Variants in ITGA3 observed in about 807,000 individuals in gnomAD.
ITGA3 encodes the protein integrin subunit alpha 3.
In ITGA3, 70 loss-of-function variants were observed where a neutral mutation model predicts 131.1. The ratio of observed to expected loss-of-function variants is 0.53; its 90% CI spans 0.44 to 0.65. The LOEUF (loss-of-function observed/expected upper bound fraction) is 0.65, where lower values mean the gene tolerates loss of function less well. ITGA3 is among the 30% of genes least tolerant of loss of function. The pLI is 0.00. For missense variants in ITGA3, 1,098 were observed against 1,388.6 expected, an observed-to-expected ratio of 0.79 and a Z score of 3.33; for synonymous variants, 537 against 571.6, an observed-to-expected ratio of 0.94 and a Z score of 0.86.
Position 50,072,041 on chromosome 17 carries a change from G to C in ITGA3, c.1015G>C (p.Gly339Arg). ...CTACTTCGAGAGGAAAGAGGAAGTA[G>C]GGGGTGCCATCTATGTCTTCATGAA... The part of the protein sequence containing the change: ...PYYFERKEEV[G>R]GAIYVFMNQA... Residue 339 changes from glycine (G) to arginine (R), a missense_variant, in exon 7 of 26, where the codon GGG becomes CGG. By Grantham distance (125) the Gly-to-Arg change is moderately radical. This residue lies in a region of ITGA3 where 356 missense variants were observed against 529.2 expected (regional missense o/e 0.67). Coordinates refer to ENST00000320031, the MANE Select transcript of ITGA3 (RefSeq NM_002204.4). 6.2e-7 allele frequency: 1 copy of C among 1,614,070 alleles called. No individual in the cohort carries two copies. Among genetic ancestry groups the C allele is most frequent in the Non-Finnish European group, 8.5e-7 (1 of 1,179,986 alleles).
intron 12 of ITGA3, among the ~76,000 whole-genome samples, 164 bp downstream of exon 12, chr17:50,075,899 C>G (rs530503836): frequency 9.1e-4 from 138 of 152,262 alleles, no homozygotes; most frequent in African/African-American, 2.9e-3. Context: ...GTACAGCACC[C>G]ACACATGAGG....
In ITGA3 at chr17:50,068,224, G is replaced by A. The variant is rs759529676; in HGVS notation, c.583G>A (p.Gly195Ser). ...TAGCAACACAGACTACCTGGAGACG[G>A]GCATGTGCCAGCTGGGCACCAGCGG... ...CNSNTDYLET[G>S]MCQLGTSGGF... The change falls in exon 4 of 26, where the codon GGC becomes AGC. Residue 195 changes from glycine (G) to serine (S), a missense_variant. By Grantham distance (56) the Gly-to-Ser change is moderately conservative (BLOSUM62 0). Transcript: ENST00000320031. The A allele has an allele frequency of 1.1e-5, 17 of 1,614,100 alleles. No homozygotes were observed. Among genetic ancestry groups the A allele is most frequent in the Non-Finnish European group, 1.1e-5 (13 of 1,180,040 alleles).
chr17:50,077,902 G>T, intron 16 of ITGA3, 144 bp from the exon 17 acceptor site: 1 of 635,042 alleles, frequency 1.6e-6, no homozygotes, highest in South Asian at 1.9e-5. Context: ...GTGGGGTGGG[G>T]AGGTAGAGAC....
At chr17:50,087,719 C>T in intron 23 of ITGA3, 25 bp from the exon 24 acceptor site, 2 of 1,604,450 alleles carry the variant, frequency 1.2e-6, no homozygotes, top group East Asian at 2.2e-5. Flanking sequence ...TGACACAGGG[C>T]TGAGTCCTCC....
intron 23 of ITGA3, 53 bp downstream of exon 23, chr17:50,081,461 C>A: frequency 7.6e-7 from 1 of 1,312,252 alleles, no homozygotes; most frequent in Non-Finnish European, 1.1e-6. Context: ...CTTGAGAGTA[C>A]AGGGCATCTT....
chr17:50,072,280 G>A (rs906188131), intron 7 of ITGA3, 98 bp downstream of exon 7: 6 of 1,124,818 alleles, frequency 5.3e-6, no homozygotes, highest in African/African-American at 1.5e-5. Context: ...GGCTTGACAG[G>A]GCCCACAGAT....
rs185447435 is a variant in ITGA3, at chr17:50,083,369, A to C, written c.2919+1961A>C. Reference sequence around the variant, plus strand: ...GTTATAAACCCAGAAGTCACAGGAAAATTTTGATAAATTAGACTCTATGAA... The same window carrying C: ...GTTATAAACCCAGAAGTCACAGGAACATTTTGATAAATTAGACTCTATGAA... On this transcript the variant is annotated intron_variant, in intron 23 of 25. Transcript: ENST00000320031. Among the ~76,000 whole-genome samples, 378 of 152,302 alleles carry C rather than the reference A, an allele frequency of 2.5e-3. 6 individuals carry two copies. Among genetic ancestry groups the C allele is most frequent in the African/African-American group, 8.9e-3 (370 of 41,552 alleles).
At chr17:50,088,528 G>A (rs377428643) in intron 25 of ITGA3, among the ~76,000 whole-genome samples, 162 bp downstream of exon 25, 2 of 149,190 alleles carry the variant, frequency 1.3e-5, no homozygotes, top group South Asian at 4.1e-4. Context: ...CAGCCCCCTG[G>A]GTGTCTGGCT....
chr17:50,059,859 G>C (rs927625153), intron 1 of ITGA3, among the ~76,000 whole-genome samples: 10 of 152,210 alleles, frequency 6.6e-5, no homozygotes, highest in Non-Finnish European at 1.3e-4. Flanking sequence ...AAATGGCCTT[G>C]TTCTTTTTTT....
Position 50,064,444 on chromosome 17 carries a change from G to T in ITGA3, c.335-84G>T. On this transcript the variant is annotated intron_variant, in intron 2 of 25. Coordinates refer to ENST00000320031, the MANE Select transcript of ITGA3 (RefSeq NM_002204.4). The surrounding 1 kb of genome is among the most constrained non-coding windows in gnomAD (Gnocchi z 4.4). ...TGCCCTGTGGGTGGAGGGCCCAAGC[G>T]GGACCCACTCCTGCCCTCTGGAGAC... The T allele has an allele frequency of 7.3e-7, 1 of 1,364,742 alleles. No individual in the cohort carries two copies. The highest frequency in any genetic ancestry group is 1.0e-6 in the Non-Finnish European group (1 of 990,798). 84.5% of individuals were successfully genotyped at this position (1,364,742 alleles called of 1,614,324 possible).
intron 1 of ITGA3, among the ~76,000 whole-genome samples, chr17:50,057,453 GT>G (rs1051106217): frequency 6.6e-6 from 1 of 152,250 alleles, no homozygotes; most frequent in Admixed American, 6.5e-5. Flanking sequence ...GCTATGCACA[GT>G]GGAGGAAGGA....
chr17:50,071,192 T>C, intron 5 of ITGA3, 119 bp from the exon 6 acceptor site: 1 of 941,970 alleles, frequency 1.1e-6, no homozygotes, highest in East Asian at 2.6e-5. Context: ...TTGCCCTACT[T>C]GGAATAGTGG....
At chr17:50,067,936 G>T in intron 3 of ITGA3, 120 bp from the exon 4 acceptor site, 2 of 1,325,298 alleles carry the variant, frequency 1.5e-6, no homozygotes, top group Non-Finnish European at 2.1e-6. Flanking sequence ...GGGAGAAGGA[G>T]AAGCCAGGAG....
In ITGA3 at chr17:50,077,133, C is replaced by A. The variant is rs1286665798; in HGVS notation, c.2070+12C>A. 3.3e-6 allele frequency: 5 copies of A among 1,530,308 alleles called. No individual in the cohort carries two copies. The highest frequency in any genetic ancestry group is 4.4e-6 in the Non-Finnish European group (5 of 1,131,868). 94.8% of individuals were successfully genotyped at this position (1,530,308 alleles called of 1,614,324 possible). ...CCTCAGTGCGCCCCGTGAGTGCCCG[C>A]CGGCCGGCTCAGAGCCCAAGCAGGG... On this transcript the variant is annotated intron_variant, in intron 15 of 25. Transcript: ENST00000320031.
chr17:50,080,970 G>A, intron 22 of ITGA3: 2 of 291,446 alleles, frequency 6.9e-6, no homozygotes, highest in Non-Finnish European at 1.3e-5. Flanking sequence ...CACACAAACA[G>A]CCATAGACAA....
intron 12 of ITGA3, among the ~76,000 whole-genome samples, chr17:50,076,084 A>G (rs1011549149): frequency 6.6e-6 from 1 of 151,978 alleles, no homozygotes; most frequent in Admixed American, 6.6e-5. Context: ...CTCAACCTGG[A>G]GACCCTGTGG....
At chr17:50,080,470 G>A in intron 22 of ITGA3, 95 bp downstream of exon 22, 1 of 227,202 alleles carries the variant, frequency 4.4e-6, no homozygotes. Context: ...ATGGGTGTGT[G>A]TGTGTGTGTG....
chr17:50,058,000 T>C (rs1907910380), intron 1 of ITGA3, among the ~76,000 whole-genome samples: 1 of 151,556 alleles, frequency 6.6e-6, no homozygotes, highest in Non-Finnish European at 1.5e-5. Flanking sequence ...TGAGCCACCA[T>C]GAGCACAAGT....
intron 3 of ITGA3, chr17:50,066,111 C>T (rs1406519952): frequency 3.3e-5 from 5 of 151,626 alleles, no homozygotes; most frequent in Non-Finnish European, 7.3e-5. Context: ...TCACTGCAGC[C>T]TTGACTTCCC....
Sources: gnomAD v4.1 joint callset for allele counts (sites outside exome capture counted in the v4.1 genomes callset) on GRCh38, gnomAD v4.1.1 for gene constraint, gnomAD v4.1.1 regional missense constraint, Gnocchi (gnomAD v3.1) non-coding constraint, MANE v1.5 for transcripts, NCBI Gene and HGNC (gene_info 2026-07-23, HGNC 2026-07-21) for gene names.